Variants in TSPOAP1 observed in about 807,000 individuals in gnomAD.
TSPOAP1 encodes peripheral-type benzodiazepine receptor-associated protein 1.
Under a neutral mutation model 197.0 loss-of-function variants are expected in TSPOAP1, and 87 were observed. That is an observed-to-expected ratio of 0.44 (90% CI 0.37 to 0.53). TSPOAP1 has a LOEUF of 0.53. TSPOAP1 is among the 20% of genes least tolerant of loss of function. The probability of loss-of-function intolerance (pLI) is 0.00; values close to 1 mark genes in which losing one functional copy is unlikely to be tolerated. For synonymous variants in TSPOAP1, 913 were observed against 998.9 expected, an observed-to-expected ratio of 0.91 and a Z score of 1.62; for missense variants, 2,174 against 2,411.3, an observed-to-expected ratio of 0.90 and a Z score of 2.06.
Position 58,312,686 on chromosome 17 carries a change from G to T in TSPOAP1, c.2135C>A (p.Ser712Tyr). ...LMDGRRGLVP[S>Y]NFVERVSDDD... ...ATCCGACACACGCTCTACAAAATTG[G>T]AAGGGACCAGGCCCCTTCGGCCATC... Residue 712 changes from serine to tyrosine, a missense_variant, in exon 17 of 32, where the codon TCC (serine) becomes TAC (tyrosine). Physicochemically the swap from Ser to Tyr is moderately radical, Grantham distance 144. Coordinates refer to ENST00000343736, the MANE Select transcript of TSPOAP1 (RefSeq NM_004758.4). 6.2e-7 allele frequency: 1 copy of T among 1,613,658 alleles called. No individual in the cohort carries two copies. The highest frequency in any genetic ancestry group is 8.5e-7 in the Non-Finnish European group (1 of 1,180,022).
chr17:58,321,156 G>A (rs1400602339), intron 10 of TSPOAP1, among the ~76,000 whole-genome samples: 4 of 152,042 alleles, frequency 2.6e-5, no homozygotes, highest in South Asian at 2.1e-4. Flanking sequence ...CTCAGCACTC[G>A]GGATGACCTA....
chr17:58,304,149 G>C lies in TSPOAP1; in HGVS notation c.*32+189C>G, dbSNP rs1970797392. 8.7e-6 allele frequency: 5 copies of C among 576,458 alleles called. No individual in the cohort carries two copies. In the East Asian group the frequency reaches 1.4e-4, roughly 16 times the overall value. The allele number at this position is 576,458 out of a possible 1,614,324, so 35.7% of individuals were successfully genotyped here. On this transcript the variant is annotated intron_variant, in intron 31 of 31. Coordinates refer to ENST00000343736, the MANE Select transcript of TSPOAP1 (RefSeq NM_004758.4). The surrounding 1 kb of genome is among the most constrained non-coding windows in gnomAD (Gnocchi z 4.2). ...CTGGCACTGCCCTGGGTAAAGGCAA[G>C]GCAAGGGGAGCAGGGAGGGGGAGGG...
Position 58,318,423 on chromosome 17 carries a change from G to A in TSPOAP1, c.1729C>T (p.Arg577Cys), listed in dbSNP as rs374359085. 5.3e-5 allele frequency: 85 copies of A among 1,613,520 alleles called. 1 individual carries two copies. The highest frequency in any genetic ancestry group is 1.5e-4 in the Admixed American group (9 of 59,972). Reference protein sequence around the residue: ...DLDLPPGSPGRCTPKSSEPAP... With the variant: ...DLDLPPGSPGCCTPKSSEPAP... ...GGCTCGGAAGACTTTGGGGTGCAGC[G>A]CCCAGGGGAGCCCGGCGGGAGGTCA... Residue 577 changes from arginine (R) to cysteine (C), a missense_variant, in exon 14 of 32, where the codon CGC becomes TGC. By Grantham distance (180) the Arg-to-Cys change is radical (BLOSUM62 -3). Coordinates refer to ENST00000343736, the MANE Select transcript of TSPOAP1 (RefSeq NM_004758.4).
Position 58,325,019 on chromosome 17 carries a change from G to A in TSPOAP1, c.751-17C>T. Reference sequence around the variant, plus strand: ...GGGACCCTCCTGAGGTTGGGGGACAGGGACAGGGAGGGGACTCAGGCCTAA... The same window carrying A: ...GGGACCCTCCTGAGGTTGGGGGACAAGGACAGGGAGGGGACTCAGGCCTAA... On this transcript the variant is annotated splice_polypyrimidine_tract_variant and intron_variant, in intron 4 of 31. Transcript: ENST00000343736. 6.6e-7 allele frequency: 1 copy of A among 1,507,324 alleles called. No homozygotes were observed. The highest frequency in any genetic ancestry group is 8.9e-7 in the Non-Finnish European group (1 of 1,125,494). 93.4% of individuals were successfully genotyped at this position (1,507,324 alleles called of 1,614,324 possible).
At chr17:58,320,017 G>A (rs1971357484) in intron 12 of TSPOAP1, 92 bp downstream of exon 12, 1 of 1,497,884 alleles carries the variant, frequency 6.7e-7, no homozygotes, top group African/African-American at 1.4e-5. Context: ...CCCCTCTGCT[G>A]GATGAGAGAG....
Position 58,323,000 on chromosome 17 carries a change from G to A in TSPOAP1, c.1144C>T (p.Leu382=), listed in dbSNP as rs1193316526. 6.2e-7 allele frequency: 1 copy of A among 1,611,682 alleles called. No individual in the cohort carries two copies. Residue 382 remains leucine, a synonymous_variant, in exon 8 of 32, where the codon CTG becomes TTG. Transcript: ENST00000343736. This position sits in a 1 kb window ranked among gnomAD's most constrained non-coding sequence, Gnocchi z 5.0. Reference sequence around the variant, plus strand: ...CTGAGCCGGGAGTTCTCCTCCACCAGGCGGGCATTCTCATTCTGCGCTTGT... The same window carrying A: ...CTGAGCCGGGAGTTCTCCTCCACCAAGCGGGCATTCTCATTCTGCGCTTGT... ...LRQAQNENAR[L]VEENSRLSGR...
In TSPOAP1 at chr17:58,324,638, G is replaced by C. The variant is rs146033495; in HGVS notation, c.942+173C>G. Among the ~76,000 whole-genome samples, 2,011 of 152,122 alleles carry C rather than the reference G, an allele frequency of 0.013. 49 individuals carry two copies. The highest frequency in any genetic ancestry group is 0.044 in the African/African-American group (1,824 of 41,516). On this transcript the variant is annotated intron_variant, in intron 5 of 31. Transcript: ENST00000343736. The surrounding 1 kb of genome is among the most constrained non-coding windows in gnomAD (Gnocchi z 5.8). ...GAGGGCACGGCGCAGGTACGAGCAC[G>C]GGAGGCTTGGAGGTGGACCCTGCCC...
At position 58,310,901 on chromosome 17, in the gene TSPOAP1, G is replaced by A. The variant is rs752966402; in HGVS notation, c.3394C>T (p.Pro1132Ser). Residue 1132 changes from proline (P) to serine (S), a missense_variant, in exon 19 of 32, where the codon CCT becomes TCT. Coordinates refer to ENST00000343736, the MANE Select transcript of TSPOAP1 (RefSeq NM_004758.4). ...LGTQEPPGAPPASPSREMAKG... is the reference protein window; with the variant it reads ...LGTQEPPGAPSASPSREMAKG... The stretch of plus-strand genomic sequence containing the variant: ...GCCATCTCTCTGGAAGGGCTTGCAG[G>A]GGGTGCTCCTGGAGGCTCTTGAGTT... 6.5e-7 allele frequency: 1 copy of A among 1,545,822 alleles called. No individual in the cohort carries two copies. Among genetic ancestry groups the A allele is most frequent in the Admixed American group, 2.1e-5 (1 of 46,886 alleles).
In TSPOAP1 at chr17:58,325,707, C is replaced by T; in HGVS notation, c.577G>A (p.Ala193Thr). The T allele has an allele frequency of 6.2e-7, 1 of 1,607,454 alleles. No individual in the cohort carries two copies. The highest frequency in any genetic ancestry group is 1.1e-5 in the South Asian group (1 of 90,310). ...LQETNLRVVSAPLPRPGTSLE... is the reference protein window; with the variant it reads ...LQETNLRVVSTPLPRPGTSLE... ...CTGGTCCCCGGCCGGGGCAAGGGGG[C>T]ACTCACCTAGCCAGAGGAGGGGTAA... The change falls in exon 4 of 32, where the codon GCC becomes ACC. Residue 193 changes from alanine (A) to threonine (T), a missense_variant. Physicochemically the swap from Ala to Thr is moderately conservative, Grantham distance 58. Transcript: ENST00000343736.
intron 12 of TSPOAP1, 26 bp downstream of exon 12, chr17:58,320,083 T>TGGGGAAGTGG: frequency 1.2e-6 from 2 of 1,613,696 alleles, no homozygotes; most frequent in Non-Finnish European, 1.7e-6. Flanking sequence ...TGGAGAGGTG[T>TGGGGAAGTGG]GGGGAAGTGG....
intron 14 of TSPOAP1, among the ~76,000 whole-genome samples, chr17:58,317,275 CAAGGAGGCAGA>C (rs899604888): frequency 4.6e-5 from 7 of 152,258 alleles, no homozygotes; most frequent in Non-Finnish European, 8.8e-5. Context: ...TCGCTGGAAG[CAAGGAGGCAGA>C]AAGGAGGCAG....
rs779683397 is a variant in TSPOAP1 at position 58,322,771 on chromosome 17, C to G, written c.1200G>C (p.Glu400Asp). 83 of 1,612,864 alleles carry G rather than the reference C, an allele frequency of 5.1e-5. No individual in the cohort carries two copies. The highest frequency in any genetic ancestry group is 6.9e-5 in the Non-Finnish European group (82 of 1,179,940). ...GGCCCCTCAGCTCCGCATTCTCCCA[C>G]TCCACCTGGCGAGGGGGCAGTGACA... ...SGRATEKEQV[E>D]WENAELRGQL... The change falls in exon 9 of 32, where the codon GAG (glutamate) becomes GAC (aspartate). Residue 400 changes from glutamate (E) to aspartate (D), a missense_variant. By Grantham distance (45) the Glu-to-Asp change is conservative (BLOSUM62 2). This residue lies in a region of TSPOAP1 where 1,933 missense variants were observed against 2,139.0 expected (regional missense o/e 0.90). Transcript: ENST00000343736. This position sits in a 1 kb window ranked among gnomAD's most constrained non-coding sequence, Gnocchi z 5.0.
chr17:58,310,191 G>A (rs776849965), intron 20 of TSPOAP1, 33 bp from the exon 21 acceptor site: 39 of 1,591,936 alleles, frequency 2.4e-5, no homozygotes, highest in Non-Finnish European at 3.1e-5. Context: ...GGAGAGATAA[G>A]GACAGTGAGG....
At position 58,318,379 on chromosome 17, in the gene TSPOAP1, A is replaced by G. The variant is rs1971302847; in HGVS notation, c.1773T>C (p.Thr591=). The change falls in exon 14 of 32, where the codon ACT becomes ACC. Residue 591 remains threonine (T), a synonymous_variant. Transcript: ENST00000343736. ...KSSEPAPATL[T]GVPRRTAKKA... ...TCTTGGCTGTCCTTCGAGGGACCCC[A>G]GTGAGAGTGGCAGGGGCAGGCTCGG... 1 of 1,614,036 alleles carries G rather than the reference A, an allele frequency of 6.2e-7. No homozygotes were observed. Among genetic ancestry groups the G allele is most frequent in the Non-Finnish European group, 8.5e-7 (1 of 1,180,018 alleles).
Position 58,323,359 on chromosome 17 carries a change from C to T in TSPOAP1, c.1043G>A (p.Arg348Gln). ...QQLESELSKK[R>Q]KKCESLEQEA... The stretch of plus-strand genomic sequence containing the variant: ...CTGCTCCAGGCTCTCGCATTTCTTC[C>T]GCTTCTTGCTGAGCTCCGATTCCTG... The change falls in exon 7 of 32, where the codon CGG becomes CAG. Residue 348 changes from arginine (R) to glutamine (Q), a missense_variant. By Grantham distance (43) the Arg-to-Gln change is conservative. This residue lies in a region of TSPOAP1 where 1,933 missense variants were observed against 2,139.0 expected (regional missense o/e 0.90). Coordinates refer to ENST00000343736, the MANE Select transcript of TSPOAP1 (RefSeq NM_004758.4). 5 of 1,614,232 alleles carry T rather than the reference C, an allele frequency of 3.1e-6. No homozygotes were observed. Among genetic ancestry groups the T allele is most frequent in the Non-Finnish European group, 3.4e-6 (4 of 1,180,024 alleles).
Position 58,316,449 on chromosome 17 carries a change from A to G in TSPOAP1, c.1964T>C (p.Ile655Thr), listed in dbSNP as rs768515355. The change falls in exon 15 of 32, where the codon ATC becomes ACC. Residue 655 changes from isoleucine (I) to threonine (T), a missense_variant. By Grantham distance (89) the Ile-to-Thr change is moderately conservative. This residue lies in a region of TSPOAP1 where 1,933 missense variants were observed against 2,139.0 expected (regional missense o/e 0.90). Transcript: ENST00000343736. ...APEGSRGGARIQVFLARYSYN... is the reference protein window; with the variant it reads ...APEGSRGGARTQVFLARYSYN... The stretch of plus-strand genomic sequence containing the variant: ...CCTATAACGTGCTAGGAAGACCTGG[A>G]TCCTGGCTCCTCCCCGGCTGCCCTC... 1 of 1,613,664 alleles carries G rather than the reference A, an allele frequency of 6.2e-7. No individual in the cohort carries two copies. Among genetic ancestry groups the G allele is most frequent in the Non-Finnish European group, 8.5e-7 (1 of 1,179,760 alleles).
chr17:58,319,838 G>A (rs973906999), intron 12 of TSPOAP1, among the ~76,000 whole-genome samples: 10 of 152,242 alleles, frequency 6.6e-5, no homozygotes, highest in African/African-American at 1.9e-4. Context: ...CCACTATGGC[G>A]AGGCTCCTAA....
In TSPOAP1 at chr17:58,324,505, AAC is replaced by A. The variant is rs1263495822; in HGVS notation, c.942+304_942+305del. ...CTGGGCCCCGGGCGGCTGCCAGGAC[AAC>A]CAGGGATTTGCGGCCGGGCCGTACC... On this transcript the variant is annotated intron_variant, in intron 5 of 31. Coordinates refer to ENST00000343736, the MANE Select transcript of TSPOAP1 (RefSeq NM_004758.4). The surrounding 1 kb of genome is among the most constrained non-coding windows in gnomAD (Gnocchi z 5.8). 2.0e-5 allele frequency among the ~76,000 whole-genome samples: 3 copies of A among 151,764 alleles called. No homozygotes were observed. The highest frequency in any genetic ancestry group is 2.9e-5 in the Non-Finnish European group (2 of 67,880).
chr17:58,324,853 G>T lies in TSPOAP1; in HGVS notation c.900C>A (p.Leu300=), dbSNP rs772845403. 3.3e-6 allele frequency: 5 copies of T among 1,527,006 alleles called. No individual in the cohort carries two copies. The highest frequency in any genetic ancestry group is 4.3e-4 in the Middle Eastern group (2 of 4,698). The allele number at this position is 1,527,006 out of a possible 1,614,324, so 94.6% of individuals were successfully genotyped here. A position where few individuals can be genotyped will look rare whatever the true frequency, so the allele number is the denominator to read the frequency against. The change falls in exon 5 of 32, where the codon CTC becomes CTA. Residue 300 remains leucine, a synonymous_variant. Coordinates refer to ENST00000343736, the MANE Select transcript of TSPOAP1 (RefSeq NM_004758.4). This position sits in a 1 kb window ranked among gnomAD's most constrained non-coding sequence, Gnocchi z 5.8. ...GAGCAGGCGCCCCTGCTCTGGCCTG[G>T]AGAGCAGGGCCCGGGGGCCAGGACG... The part of the protein sequence containing the change: ...LPPSWPPGPA[L]QARAGAPAPG...
Sources: gnomAD v4.1 joint callset for allele counts (sites outside exome capture counted in the v4.1 genomes callset) on GRCh38, gnomAD v4.1.1 for gene constraint, gnomAD v4.1.1 regional missense constraint, Gnocchi (gnomAD v3.1) non-coding constraint, MANE v1.5 for transcripts, NCBI Gene and HGNC (gene_info 2026-07-23, HGNC 2026-07-21) for gene names.